Variants in MN1 observed in about 807,000 individuals in gnomAD.
MN1 encodes transcriptional activator MN1.
Under a neutral mutation model 86.9 loss-of-function variants are expected in MN1, and 19 were observed. That is an observed-to-expected ratio of 0.22 (90% CI 0.15 to 0.32). MN1 has a LOEUF of 0.32. Ranked by LOEUF, MN1 falls within the 10% of genes least tolerant of loss-of-function variation. The pLI is 1.00. For missense variants in MN1, 1,841 were observed against 1,862.0 expected, an observed-to-expected ratio of 0.99 and a Z score of 0.21; for synonymous variants, 928 against 849.6, an observed-to-expected ratio of 1.09 and a Z score of -1.60.
rs1211664598 is a variant in MN1 at position 27,799,227 on chromosome 22, G to A, written c.1317C>T (p.Asn439=). Residue 439 remains asparagine (N), a synonymous_variant, in exon 1 of 2, where the codon AAC becomes AAT. Transcript: ENST00000302326. ...MQHPPPQQAP[N]QRLQHFDAPP... ...GCGCGTCGAAATGCTGCAGCCGCTG[G>A]TTGGGCGCCTGCTGCGGAGGAGGAT... 6.3e-7 allele frequency: 1 copy of A among 1,597,982 alleles called. No individual in the cohort carries two copies. Among genetic ancestry groups the A allele is most frequent in the Non-Finnish European group, 8.5e-7 (1 of 1,170,276 alleles).
chr22:27,784,593 A>G (rs1933097391), intron 1 of MN1, among the ~76,000 whole-genome samples: 1 of 152,186 alleles, frequency 6.6e-6, no homozygotes, highest in Admixed American at 6.5e-5. Flanking sequence ...AATATAATAT[A>G]AAAATACCCA....
chr22:27,757,778 G>A (rs1433659870), intron 1 of MN1, among the ~76,000 whole-genome samples: 1 of 151,894 alleles, frequency 6.6e-6, no homozygotes, highest in Non-Finnish European at 1.5e-5. Flanking sequence ...GAGTCTCTTA[G>A]GCCCCCCACA....
At chr22:27,758,299 G>A (rs1932813904) in intron 1 of MN1, among the ~76,000 whole-genome samples, 1 of 152,038 alleles carries the variant, frequency 6.6e-6, no homozygotes, top group African/African-American at 2.4e-5. Flanking sequence ...GGTTTTTTCT[G>A]CCTAGAGCAC....
At chr22:27,790,105 C>G (rs1176686231) in intron 1 of MN1, among the ~76,000 whole-genome samples, 1 of 152,238 alleles carries the variant, frequency 6.6e-6, no homozygotes, top group Non-Finnish European at 1.5e-5. Context: ...ACTGGCTGCT[C>G]AAACCTCGGA....
chr22:27,798,768 G>T lies in MN1; in HGVS notation c.1776C>A (p.Gly592=). 3.3e-6 allele frequency: 5 copies of T among 1,534,642 alleles called. No individual in the cohort carries two copies. Among genetic ancestry groups the T allele is most frequent in the Non-Finnish European group, 4.4e-6 (5 of 1,145,738 alleles). Reference sequence around the variant, plus strand: ...GCTGGGCCAAGCCGCCCACCGGGCCGCCATGCACCAGGCCGCCCTGGCCCA... The same window carrying T: ...GCTGGGCCAAGCCGCCCACCGGGCCTCCATGCACCAGGCCGCCCTGGCCCA... ...GDVGQGGLVH[G]GPVGGLAQPN... Residue 592 remains glycine, a synonymous_variant, in exon 1 of 2, where the codon GGC becomes GGA. Coordinates refer to ENST00000302326, the MANE Select transcript of MN1 (RefSeq NM_002430.3).
At chr22:27,763,448 T>G (rs1932847789) in intron 1 of MN1, among the ~76,000 whole-genome samples, 1 of 152,224 alleles carries the variant, frequency 6.6e-6, no homozygotes. Context: ...GACAGAGGCC[T>G]GAGTTTGAAA....
chr22:27,750,781 G>GGAC lies in MN1; in HGVS notation c.*133_*134insGTC. 1 of 497,644 alleles carries GGAC rather than the reference G, an allele frequency of 2.0e-6. No individual in the cohort carries two copies. The highest frequency in any genetic ancestry group is 2.9e-6 in the Non-Finnish European group (1 of 345,750). 30.8% of individuals were successfully genotyped at this position (497,644 alleles called of 1,614,324 possible). ...GCCACTAAGCAGGTACCAACCTAGA[G>GGAC]AAAAAAAAAAAACTCATCCACTCAG... On this transcript the variant is annotated 3_prime_UTR_variant, in exon 2 of 2. Transcript: ENST00000302326.
chr22:27,790,487 C>T (rs554190116), intron 1 of MN1, among the ~76,000 whole-genome samples: 1 of 152,286 alleles, frequency 6.6e-6, no homozygotes, highest in African/African-American at 2.4e-5. Context: ...TTTCTCGGGG[C>T]CCTGGGTGGC....
intron 1 of MN1, among the ~76,000 whole-genome samples, chr22:27,762,116 G>A (rs866946572): frequency 6.6e-6 from 1 of 152,116 alleles, no homozygotes; most frequent in African/African-American, 2.4e-5. Flanking sequence ...CTCCGGCCAC[G>A]CAGCCAGTGA....
chr22:27,760,857 G>A (rs1932829906), intron 1 of MN1, among the ~76,000 whole-genome samples: 1 of 152,214 alleles, frequency 6.6e-6, no homozygotes, highest in Non-Finnish European at 1.5e-5. Context: ...CTGTCTCTAT[G>A]CGAGTCGGCT....
chr22:27,756,840 C>T (rs572858279), intron 1 of MN1, among the ~76,000 whole-genome samples: 59 of 152,312 alleles, frequency 3.9e-4, no homozygotes, highest in African/African-American at 1.3e-3. Flanking sequence ...ACTGCAACCT[C>T]AACCTCCTGG....
At chr22:27,776,547 C>T (rs571072195) in intron 1 of MN1, among the ~76,000 whole-genome samples, 1 of 152,304 alleles carries the variant, frequency 6.6e-6, no homozygotes, top group African/African-American at 2.4e-5. Flanking sequence ...AAGGGCGGGC[C>T]TGGCCTGACC....
At position 27,748,723 on chromosome 22, in the gene MN1, G is replaced by A. The variant is rs894290064; in HGVS notation, c.*2192C>T. The A allele has an allele frequency of 3.2e-5, 7 of 219,866 alleles. No homozygotes were observed. In the East Asian group the frequency reaches 4.7e-4, roughly 15 times the overall value. 13.6% of individuals were successfully genotyped at this position (219,866 alleles called of 1,614,324 possible). ...TTCATTCTGGGGTCGTGGGGAGCGAGAAAGTTTTTAAAACTTCAGGGGTTT... is the reference window on the plus strand; with the variant it reads ...TTCATTCTGGGGTCGTGGGGAGCGAAAAAGTTTTTAAAACTTCAGGGGTTT... On this transcript the variant is annotated 3_prime_UTR_variant, in exon 2 of 2. Coordinates refer to ENST00000302326, the MANE Select transcript of MN1 (RefSeq NM_002430.3).
chr22:27,757,710 G>T (rs2146294728), intron 1 of MN1, among the ~76,000 whole-genome samples: 1 of 152,180 alleles, frequency 6.6e-6, no homozygotes, highest in East Asian at 1.9e-4. Context: ...GCTGAATCAG[G>T]TCTGGTGGGC....
In MN1 at chr22:27,799,659, C is replaced by T. The variant is rs1215369682; in HGVS notation, c.885G>A (p.Gln295=). The T allele has an allele frequency of 1.3e-6, 2 of 1,550,650 alleles. No individual in the cohort carries two copies. Among genetic ancestry groups the T allele is most frequent in the African/African-American group, 2.7e-5 (2 of 73,146 alleles). ...LSKMHAQPPQ[Q]QPQQQQQPQQ... The stretch of plus-strand genomic sequence containing the variant: ...GGGGCTGCTGCTGCTGCTGGGGCTG[C>T]TGCTGCGGTGGCTGGGCGTGCATTT... Residue 295 remains glutamine (Q), a synonymous_variant, in exon 1 of 2, where the codon CAG becomes CAA. Coordinates refer to ENST00000302326, the MANE Select transcript of MN1 (RefSeq NM_002430.3).
At chr22:27,768,870 T>C (rs1268143820) in intron 1 of MN1, among the ~76,000 whole-genome samples, 2 of 152,174 alleles carry the variant, frequency 1.3e-5, no homozygotes, top group Admixed American at 6.5e-5. Flanking sequence ...ATTTCAAGTG[T>C]TTGACAGCTG....
chr22:27,798,166 G>C lies in MN1; in HGVS notation c.2378C>G (p.Pro793Arg). Reference sequence around the variant, plus strand: ...TTTACTGGCCGAGGTGCGCTGGCTGGGCTGGAAATCAGGCTGCGGCGGGTA... The same window carrying C: ...TTTACTGGCCGAGGTGCGCTGGCTGCGCTGGAAATCAGGCTGCGGCGGGTA... ...GAYPPQPDFQPSQRTSASKLG... is the reference protein window; with the variant it reads ...GAYPPQPDFQRSQRTSASKLG... The change falls in exon 1 of 2, where the codon CCC becomes CGC. Residue 793 changes from proline to arginine, a missense_variant. Physicochemically the swap from Pro to Arg is moderately radical, Grantham distance 103. Coordinates refer to ENST00000302326, the MANE Select transcript of MN1 (RefSeq NM_002430.3). 6.3e-7 allele frequency: 1 copy of C among 1,582,980 alleles called. No individual in the cohort carries two copies. Among genetic ancestry groups the C allele is most frequent in the Non-Finnish European group, 8.5e-7 (1 of 1,170,128 alleles).
intron 1 of MN1, among the ~76,000 whole-genome samples, chr22:27,775,769 C>T (rs1182743932): frequency 6.6e-6 from 1 of 152,204 alleles, no homozygotes; most frequent in Non-Finnish European, 1.5e-5. Context: ...GAAAGAAGTG[C>T]CCAGTATCCT....
chr22:27,793,877 T>C (rs181754125), intron 1 of MN1, among the ~76,000 whole-genome samples: 55 of 152,338 alleles, frequency 3.6e-4, no homozygotes, highest in African/African-American at 1.3e-3. Flanking sequence ...ATTTTGTCAT[T>C]GGAGCGAAGA....
Sources: allele counts gnomAD v4.1 joint callset (sites outside exome capture counted in the v4.1 genomes callset), GRCh38; gene constraint gnomAD v4.1.1; transcripts MANE v1.5; gene names NCBI Gene and HGNC (gene_info 2026-07-23, HGNC 2026-07-21).